The following MEGF11 variants were observed in gnomAD, a reference collection of about 807,000 sequenced individuals.
MEGF11 encodes the protein multiple EGF like domains 11.
Under a neutral mutation model 146.6 loss-of-function variants are expected in MEGF11, and 126 were observed. The observed-to-expected ratio is 0.86, with a 90% CI of 0.74 to 1.00. MEGF11 has a LOEUF of 1.00. MEGF11 is among the 50% of genes least tolerant of loss of function. The pLI, the probability that MEGF11 is intolerant of heterozygous loss-of-function variation, is 0.00. For missense variants in MEGF11, 1,509 were observed against 1,521.2 expected (o/e 0.99, Z 0.13); for synonymous variants, 532 against 583.4 (o/e 0.91, Z 1.27).
chr15:66,087,357 G>A (rs1220250831), intron 5 of MEGF11, among the ~76,000 whole-genome samples: 3 of 152,074 alleles, frequency 2.0e-5, no homozygotes, highest in East Asian at 1.9e-4. Context: ...TTCATCCAAC[G>A]ACCACAGAAT....
intron 22 of MEGF11, 66 bp from the exon 23 acceptor site, chr15:65,909,201 T>C: frequency 8.6e-7 from 1 of 1,157,588 alleles, no homozygotes; most frequent in South Asian, 1.3e-5. Context: ...GGGAAGGGGG[T>C]AGGAAGTACA....
intron 20 of MEGF11, 56 bp from the exon 21 acceptor site, chr15:65,912,256 A>G (rs2141194902): frequency 1.9e-6 from 2 of 1,035,682 alleles, no homozygotes; most frequent in Middle Eastern, 3.5e-4. Flanking sequence ...GGCATGAGAT[A>G]CCCCCAGTAC....
chr15:66,071,348 G>A (rs1023577720), intron 5 of MEGF11, among the ~76,000 whole-genome samples: 1 of 152,166 alleles, frequency 6.6e-6, no homozygotes, highest in African/African-American at 2.4e-5. Context: ...CAGCCTCTGA[G>A]GTCATCAGCC....
intron 1 of MEGF11, among the ~76,000 whole-genome samples, chr15:66,156,700 A>G (rs952389933): frequency 1.3e-5 from 2 of 152,124 alleles, no homozygotes; most frequent in African/African-American, 4.8e-5. Flanking sequence ...CCAGGGCTAG[A>G]CACTAAAGCA....
chr15:66,240,975 T>A (rs892813074), intron 1 of MEGF11, among the ~76,000 whole-genome samples: 1 of 152,154 alleles, frequency 6.6e-6, no homozygotes, highest in Non-Finnish European at 1.5e-5. Context: ...CCCAGCCCCG[T>A]GGCCCCTCCC....
Position 66,070,595 on chromosome 15 carries a change from A to G in MEGF11, c.394+23807T>C, listed in dbSNP as rs117158243. Among the ~76,000 whole-genome samples the G allele has an allele frequency of 4.6e-3, 707 of 152,326 alleles. 5 individuals are homozygous for G. The highest frequency in any genetic ancestry group is 7.9e-3 in the South Asian group (38 of 4,824). ...GGTGGGGGGTATCTTTGTAAAACCC[A>G]TTTACCAAATCTGCAGAGCTAGATA... On this transcript the variant is annotated intron_variant, in intron 5 of 25. Coordinates refer to ENST00000395614, the MANE Select transcript of MEGF11 (RefSeq NM_001385028.1).
chr15:66,037,842 G>T (rs542014728), intron 5 of MEGF11, among the ~76,000 whole-genome samples: 12 of 152,316 alleles, frequency 7.9e-5, no homozygotes, highest in African/African-American at 2.6e-4. Flanking sequence ...TCTAGCCCGG[G>T]GTTCCCCACT....
At chr15:66,046,435 C>T (rs2084206440) in intron 5 of MEGF11, among the ~76,000 whole-genome samples, 2 of 152,196 alleles carry the variant, frequency 1.3e-5, no homozygotes, top group East Asian at 1.9e-4. Flanking sequence ...CCTCACGGGA[C>T]GTGGTGGTCA....
In MEGF11 at chr15:65,897,979, T is replaced by C; in HGVS notation, c.3378A>G (p.Val1126=). 3.7e-6 allele frequency: 6 copies of C among 1,614,030 alleles called. No individual in the cohort carries two copies. The highest frequency in any genetic ancestry group is 4.2e-6 in the Non-Finnish European group (5 of 1,179,868). ...ACGGCCCATTGGCAGGGCTCTGTCT[T>C]ACTGGGAGGAGGTCATAATGACCAG... ...HIPGHYDLLP[V]RQSPANGPSQ... is the part of the protein sequence containing the mutation. Residue 1126 remains valine, a synonymous_variant, in exon 26 of 26, where the codon GTA becomes GTG. Coordinates refer to ENST00000395614, the MANE Select transcript of MEGF11 (RefSeq NM_001385028.1).
rs1456070434 is a variant in MEGF11, at chr15:65,965,096, C to T, written c.924G>A (p.Gly308=). The T allele has an allele frequency of 1.3e-5, 20 of 1,594,506 alleles. No individual in the cohort carries two copies. The East Asian group carries it at 4.3e-4, about 34-fold the overall frequency. ...GCTGTGAGCACTGGAAGCCGAAGGA[C>T]CCGAAGGGGCACTCCTCTTGGCACC... ...GDRCQEECPF[G]SFGFQCSQHC... The change falls in exon 9 of 26, where the codon GGG becomes GGA. Residue 308 remains glycine, a synonymous_variant. Transcript: ENST00000395614.
At chr15:65,961,611 G>T (rs1439932150) in intron 9 of MEGF11, among the ~76,000 whole-genome samples, 1 of 152,218 alleles carries the variant, frequency 6.6e-6, no homozygotes, top group Non-Finnish European at 1.5e-5. Context: ...TTGATAAAGG[G>T]AATGAAGAGT....
At chr15:66,127,485 C>T (rs142096954) in intron 2 of MEGF11, among the ~76,000 whole-genome samples, 2,204 of 152,320 alleles carry the variant, frequency 0.014, 19 homozygotes, top group Non-Finnish European at 0.024. Context: ...CACGGACCCC[C>T]GCTCCGAGTC....
intron 5 of MEGF11, among the ~76,000 whole-genome samples, chr15:66,021,875 T>A (rs1221264000): frequency 1.3e-5 from 2 of 152,146 alleles, no homozygotes; most frequent in Non-Finnish European, 2.9e-5. Context: ...AATTTCAAAG[T>A]GGTTTCTGGC....
intron 3 of MEGF11, among the ~76,000 whole-genome samples, 163 bp from the exon 4 acceptor site, chr15:66,119,349 G>A (rs776307686): frequency 1.3e-5 from 2 of 152,208 alleles, no homozygotes; most frequent in Non-Finnish European, 2.9e-5. Flanking sequence ...TCAATAGTGG[G>A]ATTTGGGCTG....
chr15:66,016,004 G>C (rs1210720008), intron 5 of MEGF11, among the ~76,000 whole-genome samples: 1 of 152,070 alleles, frequency 6.6e-6, no homozygotes, highest in Non-Finnish European at 1.5e-5. Context: ...CATTGGGATG[G>C]ATGTCTTGGT....
At chr15:66,113,121 C>G (rs1221293818) in intron 4 of MEGF11, among the ~76,000 whole-genome samples, 2 of 152,180 alleles carry the variant, frequency 1.3e-5, no homozygotes, top group East Asian at 3.9e-4. Flanking sequence ...CCCAACCCCC[C>G]ACCAGAATCC....
intron 5 of MEGF11, among the ~76,000 whole-genome samples, chr15:66,012,561 T>TG (rs1354043344): frequency 6.6e-6 from 1 of 152,264 alleles, no homozygotes; most frequent in East Asian, 1.9e-4. Context: ...CTAATTATGA[T>TG]GCAGCAAATT....
chr15:66,121,044 G>A (rs772564523), intron 3 of MEGF11, among the ~76,000 whole-genome samples: 17 of 152,214 alleles, frequency 1.1e-4, no homozygotes, highest in Non-Finnish European at 2.4e-4. Flanking sequence ...GACGGAGGGT[G>A]CAAGCTGTTA....
chr15:66,238,656 C>A (rs1337879048), intron 1 of MEGF11, among the ~76,000 whole-genome samples: 1 of 152,192 alleles, frequency 6.6e-6, no homozygotes, highest in Admixed American at 6.5e-5. Flanking sequence ...CTATCATAAC[C>A]CTGACTGTAC....
Sources: gnomAD v4.1 joint callset for allele counts (sites outside exome capture counted in the v4.1 genomes callset) on GRCh38, gnomAD v4.1.1 for gene constraint, MANE v1.5 for transcripts, NCBI Gene and HGNC (gene_info 2026-07-23, HGNC 2026-07-21) for gene names.